Variants in EPS8 observed in about 807,000 individuals in gnomAD.
EPS8 encodes epidermal growth factor receptor kinase substrate 8.
A neutral mutation model predicts 103.8 loss-of-function variants in EPS8; 42 were observed. The ratio of observed to expected loss-of-function variants is 0.40; its 90% confidence interval spans 0.32 to 0.52. The LOEUF (loss-of-function observed/expected upper bound fraction) is 0.52. Ranked by LOEUF, EPS8 falls within the 20% of genes least tolerant of loss-of-function variation. The probability of loss-of-function intolerance (pLI) is 0.40; values close to 1 mark genes in which losing one functional copy is unlikely to be tolerated. For synonymous variants in EPS8, 344 were observed against 344.6 expected, an observed-to-expected ratio of 1.00 and a Z score of 0.02; for missense variants, 969 against 1,005.1, an observed-to-expected ratio of 0.96 and a Z score of 0.49.
chr12:15,637,467 C>T (rs944070485), intron 17 of EPS8, among the ~76,000 whole-genome samples: 1 of 152,180 alleles, frequency 6.6e-6, no homozygotes, highest in African/African-American at 2.4e-5. Flanking sequence ...CCTTAGTTTC[C>T]TACAAAAAAA....
chr12:15,774,329 A>AC (rs913080909), intron 1 of EPS8, among the ~76,000 whole-genome samples: 14 of 72,260 alleles, frequency 1.9e-4, no homozygotes, highest in South Asian at 5.3e-4. Flanking sequence ...CCTTCACCCC[A>AC]CCCCCCCTGC....
chr12:15,653,547 A>G (rs968575458), intron 13 of EPS8, among the ~76,000 whole-genome samples: 7 of 151,832 alleles, frequency 4.6e-5, no homozygotes, highest in African/African-American at 1.7e-4. Flanking sequence ...TTCTCTCTCT[A>G]CCTGGACAGG....
rs1339040982 is a variant in EPS8, at chr12:15,620,665, A to T, written c.*652T>A. On this transcript the variant is annotated 3_prime_UTR_variant, in exon 21 of 21. Coordinates refer to ENST00000281172, the MANE Select transcript of EPS8 (RefSeq NM_004447.6). ...ACATAATAAGCAGAATATAAACTAA[A>T]TCAAAATACAAGCTATACAAGGAGT... 6.6e-6 allele frequency: 1 copy of T among 152,650 alleles called. No homozygotes were observed. The highest frequency in any genetic ancestry group is 1.5e-5 in the Non-Finnish European group (1 of 68,040). The allele number at this position is 152,650 out of a possible 1,614,324, so 9.5% of individuals were successfully genotyped here.
Position 15,621,554 on chromosome 12 carries a change from C to A in EPS8, c.2356-124G>T, listed in dbSNP as rs567515216. 2 of 586,802 alleles carry A rather than the reference C, an allele frequency of 3.4e-6. 1 individual carries two copies. Among genetic ancestry groups the A allele is most frequent in the East Asian group, 6.7e-5 (2 of 29,978 alleles). The allele number at this position is 586,802 out of a possible 1,614,324, so 36.3% of individuals were successfully genotyped here. A position where few individuals can be genotyped will look rare whatever the true frequency, so the allele number is the denominator to read the frequency against. ...TCTAGTATCTCTTTAGGAAAGCTAA[C>A]AGCTCTACTTTTTAAGTGAAGCTTC... On this transcript the variant is annotated intron_variant, in intron 20 of 20. Coordinates refer to ENST00000281172, the MANE Select transcript of EPS8 (RefSeq NM_004447.6).
rs1027440681 is a variant in EPS8 at position 15,721,810 on chromosome 12, A to G, written c.-21-38838T>C. On this transcript the variant is annotated intron_variant, in intron 1 of 20. Coordinates refer to ENST00000281172, the MANE Select transcript of EPS8 (RefSeq NM_004447.6). This position sits in a 1 kb window ranked among gnomAD's most constrained non-coding sequence, Gnocchi z 4.4. ...TATCAGACTTTTTAAAATTTTTATTATATATTATAAATATTATTTCTGATC... is the reference window on the plus strand; with the variant it reads ...TATCAGACTTTTTAAAATTTTTATTGTATATTATAAATATTATTTCTGATC... Among the ~76,000 whole-genome samples, 2 of 151,808 alleles carry G rather than the reference A, an allele frequency of 1.3e-5. No individual in the cohort carries two copies. The highest frequency in any genetic ancestry group is 3.9e-4 in the East Asian group (2 of 5,182).
At chr12:15,710,096 A>AC (rs11433200) in intron 1 of EPS8, among the ~76,000 whole-genome samples, 139,111 of 152,222 alleles carry the variant, frequency 0.91, 64,814 homozygotes, top group Non-Finnish European at 1. Context: ...GGGTTGGGGG[A>AC]CCCCTGGCTT....
chr12:15,658,363 C>G, intron 11 of EPS8, 134 bp downstream of exon 11: 1 of 722,726 alleles, frequency 1.4e-6, no homozygotes. Flanking sequence ...TAACTGAAGG[C>G]AAATCAAAAC....
In EPS8 at chr12:15,780,097, T is replaced by C. The variant is rs979225196; in HGVS notation, c.-22+9064A>G. 9.8e-5 allele frequency: 15 copies of C among 152,324 alleles called. No individual in the cohort carries two copies. Among genetic ancestry groups the C allele is most frequent in the African/African-American group, 3.6e-4 (15 of 41,578 alleles). 9.4% of individuals were successfully genotyped at this position (152,324 alleles called of 1,614,324 possible). ...TGAATTTGTTTGCTACATAAAGAGC[T>C]ACATTTAGAAGGCCATGTGACTAGA... On this transcript the variant is annotated intron_variant, in intron 1 of 20. Coordinates refer to ENST00000281172, the MANE Select transcript of EPS8 (RefSeq NM_004447.6). This position sits in a 1 kb window ranked among gnomAD's most constrained non-coding sequence, Gnocchi z 4.1.
At chr12:15,786,788 T>C (rs1389770834) in intron 1 of EPS8, among the ~76,000 whole-genome samples, 1 of 152,152 alleles carries the variant, frequency 6.6e-6, no homozygotes, top group Non-Finnish European at 1.5e-5. Flanking sequence ...ACTATTCCAA[T>C]GCAGAATTTT....
chr12:15,675,729 T>C (rs1945892921), intron 3 of EPS8, among the ~76,000 whole-genome samples: 1 of 152,216 alleles, frequency 6.6e-6, no homozygotes, highest in Non-Finnish European at 1.5e-5. Context: ...ATATTACTAA[T>C]TGGTAATTCA....
At chr12:15,756,055 T>C (rs1190501559) in intron 1 of EPS8, among the ~76,000 whole-genome samples, 1 of 152,228 alleles carries the variant, frequency 6.6e-6, no homozygotes, top group Admixed American at 6.5e-5. Flanking sequence ...ACCATTTTAC[T>C]TGGCAACAGT....
rs1054197948 is a variant in EPS8 at position 15,789,362 on chromosome 12, CCTCG to C, written c.-227_-224del. On this transcript the variant is annotated 5_prime_UTR_variant, in exon 1 of 21. Transcript: ENST00000281172. The surrounding 1 kb of genome is among the most constrained non-coding windows in gnomAD (Gnocchi z 6.1). ...GCCGGCCTCGCGCCGGGCGAGACCG[CCTCG>C]CTAGCTGCTGCCTGTGAAGTCTGGA... 6.6e-6 allele frequency: 1 copy of C among 152,442 alleles called. No individual in the cohort carries two copies. Among genetic ancestry groups the C allele is most frequent in the Non-Finnish European group, 1.5e-5 (1 of 68,272 alleles). The allele number at this position is 152,442 out of a possible 1,614,324, so 9.4% of individuals were successfully genotyped here. A position where few individuals can be genotyped will look rare whatever the true frequency, so the allele number is the denominator to read the frequency against.
At chr12:15,671,312 A>G (rs1945813412) in intron 3 of EPS8, among the ~76,000 whole-genome samples, 1 of 152,140 alleles carries the variant, frequency 6.6e-6, no homozygotes, top group South Asian at 2.1e-4. Context: ...GTAATTGCAA[A>G]TATTGTCATA....
chr12:15,781,619 G>A lies in EPS8; in HGVS notation c.-22+7542C>T, dbSNP rs1947261713. ...CTCCACCTGCTTCTTGAAGACTACT[G>A]GTTCTAACTTTAGTGCAACATTATA... On this transcript the variant is annotated intron_variant, in intron 1 of 20. Transcript: ENST00000281172. The surrounding 1 kb of genome is among the most constrained non-coding windows in gnomAD (Gnocchi z 4.1). 1 of 152,120 alleles carries A rather than the reference G, an allele frequency of 6.6e-6. No individual in the cohort carries two copies. Among genetic ancestry groups the A allele is most frequent in the Non-Finnish European group, 1.5e-5 (1 of 68,036 alleles). 9.4% of individuals were successfully genotyped at this position (152,120 alleles called of 1,614,324 possible).
intron 1 of EPS8, among the ~76,000 whole-genome samples, chr12:15,783,782 C>G (rs1947283917): frequency 6.7e-6 from 1 of 148,998 alleles, no homozygotes. Context: ...TCTCAGCACA[C>G]AGTACATGCT....
chr12:15,654,940 G>A (rs1945481219), intron 12 of EPS8, among the ~76,000 whole-genome samples: 1 of 152,084 alleles, frequency 6.6e-6, no homozygotes, highest in Non-Finnish European at 1.5e-5. Context: ...AGGATAAGTA[G>A]ATGTTCAAAA....
chr12:15,635,877 T>C (rs1945125568), intron 17 of EPS8, among the ~76,000 whole-genome samples: 1 of 152,154 alleles, frequency 6.6e-6, no homozygotes. Context: ...AAACGTTTTG[T>C]TGAATTCACG....
intron 20 of EPS8, 61 bp downstream of exon 20, chr12:15,623,097 A>G: frequency 2.0e-6 from 3 of 1,525,416 alleles, no homozygotes; most frequent in Non-Finnish European, 2.6e-6. Context: ...ATGGACATAA[A>G]TAGTTGTTTC....
rs1341866409 is a variant in EPS8 at position 15,780,783 on chromosome 12, A to G, written c.-22+8378T>C. On this transcript the variant is annotated intron_variant, in intron 1 of 20. Coordinates refer to ENST00000281172, the MANE Select transcript of EPS8 (RefSeq NM_004447.6). This position sits in a 1 kb window ranked among gnomAD's most constrained non-coding sequence, Gnocchi z 4.1. ...CATCTTTGTATTCCTGGTGTCTGGC[A>G]CAGAACAGATACTCAACAAACACTC... 2.6e-5 allele frequency: 4 copies of G among 152,216 alleles called. No homozygotes were observed. Among genetic ancestry groups the G allele is most frequent in the Non-Finnish European group, 5.9e-5 (4 of 68,044 alleles). 9.4% of individuals were successfully genotyped at this position (152,216 alleles called of 1,614,324 possible).
Sources: gnomAD v4.1 joint callset for allele counts (sites outside exome capture counted in the v4.1 genomes callset) on GRCh38, gnomAD v4.1.1 for gene constraint, Gnocchi (gnomAD v3.1) non-coding constraint, MANE v1.5 for transcripts, NCBI Gene and HGNC (gene_info 2026-07-23, HGNC 2026-07-21) for gene names.